Variants in ALOX5AP observed in about 807,000 individuals in gnomAD.
ALOX5AP encodes arachidonate 5-lipoxygenase activating protein.
Under a neutral mutation model 18.5 loss-of-function variants are expected in ALOX5AP, and 9 were observed. That is an observed-to-expected ratio of 0.49 (90% CI 0.29 to 0.85). The LOEUF is 0.85. Ranked by LOEUF, ALOX5AP falls within the 40% of genes least tolerant of loss-of-function variation. The pLI, the probability that ALOX5AP is intolerant of heterozygous loss-of-function variation, is 0.08. For missense variants in ALOX5AP, 172 were observed against 202.5 expected, an observed-to-expected ratio of 0.85 and a Z score of 0.91; for synonymous variants, 81 against 78.6, an observed-to-expected ratio of 1.03 and a Z score of -0.16.
upstream of ALOX5AP, among the ~76,000 whole-genome samples, chr13:30,733,601 C>T (rs1951698447): frequency 1.3e-5 from 2 of 152,108 alleles, no homozygotes; most frequent in East Asian, 3.8e-4. Context: ...CTAAAAAATG[C>T]CCAGGTAGCT....
At chr13:30,749,632 T>A (rs1050885096) in intron 2 of ALOX5AP, among the ~76,000 whole-genome samples, 1 of 152,236 alleles carries the variant, frequency 6.6e-6, no homozygotes, top group Non-Finnish European at 1.5e-5. Flanking sequence ...TGTAGGGGCC[T>A]CCTGCCCTTT....
chr13:30,717,076 T>C (rs1312109295), intron 1 of ALOX5AP, among the ~76,000 whole-genome samples: 3 of 151,970 alleles, frequency 2.0e-5, no homozygotes, highest in Non-Finnish European at 4.4e-5. Context: ...GTTCCCAGAC[T>C]CTCCACCGCT....
chr13:30,750,802 T>G (rs1164887731), intron 2 of ALOX5AP, among the ~76,000 whole-genome samples: 1 of 152,150 alleles, frequency 6.6e-6, no homozygotes, highest in East Asian at 1.9e-4. Context: ...ACCACAAGGG[T>G]CTTTTTAATG....
At chr13:30,748,021 G>C (rs1039468824) in intron 2 of ALOX5AP, among the ~76,000 whole-genome samples, 1 of 152,074 alleles carries the variant, frequency 6.6e-6, no homozygotes, top group Non-Finnish European at 1.5e-5. Context: ...CCGGGCTTAA[G>C]CAATTTTTGT....
chr13:30,738,218 G>T (rs1271758776), intron 1 of ALOX5AP, among the ~76,000 whole-genome samples: 4 of 152,196 alleles, frequency 2.6e-5, no homozygotes, highest in African/African-American at 9.7e-5. Flanking sequence ...CTGTGATTGG[G>T]CAGAGCTGGC....
intron 1 of ALOX5AP, among the ~76,000 whole-genome samples, chr13:30,721,722 G>T (rs76625444): frequency 0.013 from 2,023 of 152,076 alleles, 50 homozygotes; most frequent in African/African-American, 0.047. Context: ...GCTTCTCTTT[G>T]CCCCCAGGAT....
At chr13:30,759,100 T>A (rs1411896016) in intron 4 of ALOX5AP, among the ~76,000 whole-genome samples, 1 of 152,194 alleles carries the variant, frequency 6.6e-6, no homozygotes, top group Non-Finnish European at 1.5e-5. Flanking sequence ...AGTATAGGCA[T>A]AAGCCACCCA....
chr13:30,748,979 C>T (rs1951830769), intron 2 of ALOX5AP, among the ~76,000 whole-genome samples: 1 of 152,222 alleles, frequency 6.6e-6, no homozygotes, highest in African/African-American at 2.4e-5. Context: ...AGGAGGGGCA[C>T]ATAAGCTTGC....
chr13:30,746,633 C>T lies in ALOX5AP; in HGVS notation c.170+2474C>T, dbSNP rs17239137. Among the ~76,000 whole-genome samples the T allele has an allele frequency of 7.1e-3, 1,080 of 152,280 alleles. 18 individuals carry two copies. The highest frequency in any genetic ancestry group is 0.025 in the African/African-American group (1,029 of 41,554). On this transcript the variant is annotated intron_variant, in intron 2 of 4. Coordinates refer to ENST00000380490, the MANE Select transcript of ALOX5AP (RefSeq NM_001629.4). ...GTTGTGTGTTATTCTAGGAGAAAGT[C>T]GTCCCAGCAGCAGCTTCTCCAGGGG...
chr13:30,753,082 A>AGGTC (rs1311140405), intron 3 of ALOX5AP, among the ~76,000 whole-genome samples: 1 of 152,242 alleles, frequency 6.6e-6, no homozygotes, highest in African/African-American at 2.4e-5. Context: ...TAGCTTCTAG[A>AGGTC]GGTCACCTGG....
chr13:30,750,335 T>C (rs1305740389), intron 2 of ALOX5AP, among the ~76,000 whole-genome samples: 1 of 152,228 alleles, frequency 6.6e-6, no homozygotes, highest in East Asian at 1.9e-4. Flanking sequence ...GAGACTTTAA[T>C]CCTAGTCAAG....
intron 4 of ALOX5AP, among the ~76,000 whole-genome samples, chr13:30,756,696 C>T (rs1951897338): frequency 6.6e-6 from 1 of 151,512 alleles, no homozygotes; most frequent in Admixed American, 6.6e-5. Context: ...GCCTGTAATC[C>T]CAGCTACTCC....
At chr13:30,734,378 G>A (rs184627863), upstream of ALOX5AP, among the ~76,000 whole-genome samples, 9 of 152,312 alleles carry the variant, frequency 5.9e-5, no homozygotes, top group Non-Finnish European at 1.0e-4. Context: ...CTTCCGTGCC[G>A]AGATGCAGCC....
chr13:30,720,629 A>G (rs1951586523), intron 1 of ALOX5AP, among the ~76,000 whole-genome samples: 1 of 152,260 alleles, frequency 6.6e-6, no homozygotes, highest in Non-Finnish European at 1.5e-5. Flanking sequence ...CACCACAAAC[A>G]GTAATATTTT....
chr13:30,758,254 C>T (rs17238927), intron 4 of ALOX5AP, among the ~76,000 whole-genome samples: 4,332 of 152,304 alleles, frequency 0.028, 78 homozygotes, highest in African/African-American at 0.037. Flanking sequence ...ACCCTGCCGT[C>T]TAGAAGCTAC....
intron 1 of ALOX5AP, among the ~76,000 whole-genome samples, chr13:30,739,634 C>T (rs183841392): frequency 6.6e-6 from 1 of 152,304 alleles, no homozygotes; most frequent in African/African-American, 2.4e-5. Context: ...AGGGTTTCAC[C>T]ATGTTGGCCA....
chr13:30,763,890 G>T, intron 4 of ALOX5AP, 54 bp from the exon 5 acceptor site: 1 of 1,537,020 alleles, frequency 6.5e-7, no homozygotes, highest in Admixed American at 1.9e-5. Context: ...TTGTGTGTGT[G>T]AAATTGGTGT....
At chr13:30,719,601 C>T (rs1224162119) in intron 1 of ALOX5AP, among the ~76,000 whole-genome samples, 1 of 152,172 alleles carries the variant, frequency 6.6e-6, no homozygotes, top group African/African-American at 2.4e-5. Flanking sequence ...TAGGGCATTT[C>T]CAAGAGTCAA....
At chr13:30,716,419 A>G (rs1951550682) in intron 1 of ALOX5AP, among the ~76,000 whole-genome samples, 1 of 152,228 alleles carries the variant, frequency 6.6e-6, no homozygotes, top group African/African-American at 2.4e-5. Flanking sequence ...GAGCTGTTGT[A>G]TCAGCTTATC....
Sources: allele counts gnomAD v4.1 joint callset (sites outside exome capture counted in the v4.1 genomes callset), GRCh38; gene constraint gnomAD v4.1.1; transcripts MANE v1.5; gene names NCBI Gene and HGNC (gene_info 2026-07-23, HGNC 2026-07-21).